The following MYO9A variants were observed in gnomAD, a reference collection of about 807,000 sequenced individuals.
MYO9A encodes the protein unconventional myosin-IXa.
MYO9A carries 103 observed loss-of-function variants against 293.3 expected under a neutral mutation model. The observed-to-expected ratio is 0.35, with a 90% CI of 0.30 to 0.41. The LOEUF (loss-of-function observed/expected upper bound fraction) is 0.41. Ranked by LOEUF, MYO9A falls within the 10% of genes least tolerant of loss-of-function variation. MYO9A has a pLI of 1.00. For synonymous variants in MYO9A, 1,001 were observed against 1,035.7 expected (o/e 0.97, Z 0.64); for missense variants, 2,685 against 3,033.0 (o/e 0.89, Z 2.69).
intron 26 of MYO9A, chr15:71,892,549 C>A (rs2057208662): frequency 6.5e-6 from 1 of 154,314 alleles, no homozygotes; most frequent in Admixed American, 6.3e-5. Context: ...GACGGTCATG[C>A]CCATTTGTTT....
chr15:71,862,211 G>T (rs2056164461), intron 33 of MYO9A, among the ~76,000 whole-genome samples: 1 of 152,126 alleles, frequency 6.6e-6, no homozygotes, highest in South Asian at 2.1e-4. Flanking sequence ...CTCTGAGAAG[G>T]TGAGATGTGA....
At chr15:72,039,244 C>T (rs1049899380) in intron 2 of MYO9A, among the ~76,000 whole-genome samples, 11 of 152,022 alleles carry the variant, frequency 7.2e-5, no homozygotes, top group African/African-American at 9.7e-5. Context: ...TCGTGAGTAG[C>T]AAATTAATTT....
At chr15:71,979,530 C>T (rs1162102568) in intron 11 of MYO9A, among the ~76,000 whole-genome samples, 1 of 152,186 alleles carries the variant, frequency 6.6e-6, no homozygotes, top group Non-Finnish European at 1.5e-5. Context: ...TCACATAACA[C>T]ATACTCATTT....
intron 34 of MYO9A, among the ~76,000 whole-genome samples, chr15:71,856,196 A>G (rs1294985000): frequency 2.0e-5 from 3 of 152,094 alleles, no homozygotes; most frequent in Non-Finnish European, 2.9e-5. Flanking sequence ...CTGTAATCCC[A>G]GCTACTCAGG....
chr15:72,046,647 A>G lies in MYO9A; in HGVS notation c.-71-13T>C, dbSNP rs2078393373. 1 of 1,446,896 alleles carries G rather than the reference A, an allele frequency of 6.9e-7. No homozygotes were observed. Among genetic ancestry groups the G allele is most frequent in the East Asian group, 2.3e-5 (1 of 43,578 alleles). 89.6% of individuals were successfully genotyped at this position (1,446,896 alleles called of 1,614,324 possible). ...CTTGGTAAAATAACTGTAACATAAAAGATGCAAAATATTTAGAAGTAAATA... is the reference window on the plus strand; with the variant it reads ...CTTGGTAAAATAACTGTAACATAAAGGATGCAAAATATTTAGAAGTAAATA... On this transcript the variant is annotated splice_polypyrimidine_tract_variant and intron_variant, in intron 1 of 41. Transcript: ENST00000356056.
At chr15:71,845,105 A>C (rs2055325905) in intron 39 of MYO9A, among the ~76,000 whole-genome samples, 1 of 152,218 alleles carries the variant, frequency 6.6e-6, no homozygotes, top group Non-Finnish European at 1.5e-5. Flanking sequence ...CAAAAATAGG[A>C]AGGAACTGAA....
chr15:72,083,503 C>T (rs1031939671), intron 1 of MYO9A, among the ~76,000 whole-genome samples: 3 of 152,172 alleles, frequency 2.0e-5, no homozygotes, highest in African/African-American at 7.2e-5. Context: ...TCTCAATCTC[C>T]TGCCATTCAG....
Position 71,899,973 on chromosome 15 carries a change from C to T in MYO9A, c.3184G>A (p.Val1062Ile), listed in dbSNP as rs1295466626. The T allele has an allele frequency of 6.2e-7, 1 of 1,612,136 alleles. No homozygotes were observed. The highest frequency in any genetic ancestry group is 1.7e-5 in the Admixed American group (1 of 59,942). The part of the protein sequence containing the change: ...FWRNYLNQKQ[V>I]RDAAVQKDAF... Reference sequence around the variant, plus strand: ...TCCTTCTGCACAGCTGCATCTCTGACTTGCTTCTGATTTAGGTAATTCCTC... The same window carrying T: ...TCCTTCTGCACAGCTGCATCTCTGATTTGCTTCTGATTTAGGTAATTCCTC... Residue 1062 changes from valine to isoleucine, a missense_variant, in exon 24 of 42, where the codon GTC becomes ATC. Val to Ile is a conservative substitution (Grantham distance 29). Around this residue, in one of 10 missense-constraint regions of MYO9A, gnomAD observed 1,434 missense variants for 1,497.7 expected, o/e 0.96. Coordinates refer to ENST00000356056, the MANE Select transcript of MYO9A (RefSeq NM_006901.4).
intron 2 of MYO9A, chr15:72,041,180 G>A (rs2078215907): frequency 1.6e-6 from 2 of 1,222,096 alleles, no homozygotes; most frequent in East Asian, 2.7e-5. Flanking sequence ...GGGAGGTTGA[G>A]GCTCCCATTT....
intron 7 of MYO9A, 114 bp downstream of exon 7, chr15:72,010,236 C>T: frequency 4.3e-6 from 3 of 701,766 alleles, no homozygotes; most frequent in Admixed American, 5.1e-5. Context: ...GGATGAGGTA[C>T]TAGATGAAGA....
chr15:71,853,314 A>C (rs531426553), intron 35 of MYO9A, among the ~76,000 whole-genome samples: 1 of 152,368 alleles, frequency 6.6e-6, no homozygotes, highest in African/African-American at 2.4e-5. Context: ...TAGAGATAAA[A>C]GGACAGTGAT....
Position 71,862,570 on chromosome 15 carries a change from A to T in MYO9A, c.6021T>A (p.Tyr2007Ter). 6.2e-7 allele frequency: 1 copy of T among 1,613,386 alleles called. No homozygotes were observed. Among genetic ancestry groups the T allele is most frequent in the Non-Finnish European group, 8.5e-7 (1 of 1,179,494 alleles). ...AGTATTCACAGTATGTAGGGATGCTATATTGGGTGGCTTTAAAGATGTGAC... is the reference window on the plus strand; with the variant it reads ...AGTATTCACAGTATGTAGGGATGCTTTATTGGGTGGCTTTAAAGATGTGAC... The part of the protein sequence containing the change: ...HNGHIFKATQ[Y>*]SIPTYCEYCS... Residue 2007 changes from tyrosine to a stop codon, truncating the protein, a stop_gained, in exon 33 of 42, where the codon TAT (tyrosine) becomes TAA (stop). Transcript: ENST00000356056. LOFTEE classifies it high-confidence loss of function.
At chr15:72,114,817 TTGAC>T (rs2080909760) in intron 1 of MYO9A, among the ~76,000 whole-genome samples, 1 of 152,192 alleles carries the variant, frequency 6.6e-6, no homozygotes, top group African/African-American at 2.4e-5. Flanking sequence ...TGAAAAGTCT[TTGAC>T]TAATATTTAT....
chr15:71,893,095 C>A, intron 26 of MYO9A: 1 of 1,290,094 alleles, frequency 7.8e-7, no homozygotes, highest in Non-Finnish European at 1.0e-6. Context: ...ATCCCCCTCC[C>A]CATCGGCAAA....
rs1555478324 is a variant in MYO9A at position 71,910,102 on chromosome 15, G to GTGTA, written c.2686-5097_2686-5096insTACA. Reference sequence around the variant, plus strand: ...TATATATACACGTATATATATATACGTATATATATACGTGTATATATACAC... The same window carrying GTGTA: ...TATATATACACGTATATATATATACGTGTATATATATATACGTGTATATATACAC... On this transcript the variant is annotated intron_variant, in intron 19 of 41. Coordinates refer to ENST00000356056, the MANE Select transcript of MYO9A (RefSeq NM_006901.4). Among the ~76,000 whole-genome samples the GTGTA allele has an allele frequency of 1.5e-3, 200 of 133,874 alleles. 1 individual carries two copies. The highest frequency in any genetic ancestry group is 2.4e-3 in the Non-Finnish European group (153 of 62,698). The allele number at this position is 133,874 out of a possible 152,430, so 87.8% of individuals were successfully genotyped here. A position where few individuals can be genotyped will look rare whatever the true frequency, so the allele number is the denominator to read the frequency against.
chr15:72,101,708 C>A (rs1438925368), intron 1 of MYO9A, among the ~76,000 whole-genome samples: 6 of 141,552 alleles, frequency 4.2e-5, no homozygotes, highest in South Asian at 4.5e-4. Flanking sequence ...CAGCCCCCCG[C>A]CCGGCCAGCC....
rs28408067 is a variant in MYO9A at position 72,091,229 on chromosome 15, T to C, written c.-72+26451A>G. On this transcript the variant is annotated intron_variant, in intron 1 of 41. Transcript: ENST00000356056. ...AAAAAAAAGTCAACTTTCATACCTA[T>C]TTTAATCATTGATACAAATAGTTAA... 5.6e-3 allele frequency among the ~76,000 whole-genome samples: 856 copies of C among 152,036 alleles called. 12 individuals are homozygous for C. Among genetic ancestry groups the C allele is most frequent in the African/African-American group, 0.02 (811 of 41,514 alleles).
intron 39 of MYO9A, among the ~76,000 whole-genome samples, chr15:71,843,435 A>T (rs2055250179): frequency 6.6e-6 from 1 of 152,200 alleles, no homozygotes; most frequent in Non-Finnish European, 1.5e-5. Flanking sequence ...TGTCTCAAAA[A>T]TAAAGTAAAT....
intron 18 of MYO9A, among the ~76,000 whole-genome samples, chr15:71,927,331 C>T (rs1304059323): frequency 1.3e-5 from 2 of 152,136 alleles, no homozygotes; most frequent in Admixed American, 6.5e-5. Flanking sequence ...TTGATTAGTT[C>T]CTTTGCTGTG....
Sources: allele counts gnomAD v4.1 joint callset (sites outside exome capture counted in the v4.1 genomes callset), GRCh38; gene constraint gnomAD v4.1.1; regional missense constraint gnomAD v4.1.1; transcripts MANE v1.5; gene names NCBI Gene and HGNC (gene_info 2026-07-23, HGNC 2026-07-21).